Variants in TUSC3 observed in about 807,000 individuals in gnomAD.
TUSC3 encodes tumor suppressor candidate 3.
A neutral mutation model predicts 44.8 loss-of-function variants in TUSC3; 45 were observed. The observed-to-expected ratio is 1.00, with a 90% CI of 0.79 to 1.29. TUSC3 has a LOEUF of 1.29. TUSC3 is among the 50% of genes most tolerant of loss of function. The pLI is 0.00. For synonymous variants in TUSC3, 212 were observed against 152.9 expected (o/e 1.39, Z -2.85); for missense variants, 519 against 437.9 (o/e 1.19, Z -1.65).
At chr8:15,784,540 G>C in the TUSC3 span, among the ~76,000 whole-genome samples, 14 of 151,868 alleles carry the variant, frequency 9.2e-5, no homozygotes, top group African/African-American at 3.4e-4. Context: ...ACATATGTGT[G>C]TGTGTATGCA....
chr8:15,775,108 A>G, the TUSC3 span, among the ~76,000 whole-genome samples: 1 of 152,204 alleles, frequency 6.6e-6, no homozygotes, highest in Non-Finnish European at 1.5e-5. Context: ...TGATATATCC[A>G]TGCATTAGAA....
At chr8:15,473,506 G>T (rs1357620811) in intron 1 of TUSC3, among the ~76,000 whole-genome samples, 3 of 152,140 alleles carry the variant, frequency 2.0e-5, no homozygotes, top group African/African-American at 7.2e-5. Context: ...TAAAGTATTG[G>T]GGGAACCCAC....
chr8:15,676,576 G>T (rs1808200133), intron 6 of TUSC3, among the ~76,000 whole-genome samples: 1 of 152,212 alleles, frequency 6.6e-6, no homozygotes, highest in South Asian at 2.1e-4. Context: ...TATTTCCTGG[G>T]TTGTTCCAGG....
chr8:15,545,262 G>T (rs929372767), intron 1 of TUSC3, among the ~76,000 whole-genome samples: 1 of 151,534 alleles, frequency 6.6e-6, no homozygotes, highest in South Asian at 2.1e-4. Flanking sequence ...CCCAGCATTT[G>T]TACTGGTTCC....
At chr8:15,431,381 T>C (rs1231710759) in intron 1 of TUSC3, among the ~76,000 whole-genome samples, 1 of 151,834 alleles carries the variant, frequency 6.6e-6, no homozygotes, top group Non-Finnish European at 1.5e-5. Context: ...TAGTTTTCAT[T>C]GTACAAGTCT....
At chr8:15,457,754 AATAG>A (rs1296412513) in intron 1 of TUSC3, among the ~76,000 whole-genome samples, 4 of 148,282 alleles carry the variant, frequency 2.7e-5, no homozygotes, top group African/African-American at 4.9e-5. Flanking sequence ...TTTAAAATAA[AATAG>A]ATAAATTAGA....
chr8:15,838,694 C>T, the TUSC3 span, among the ~76,000 whole-genome samples: 1,256 of 152,228 alleles, frequency 8.3e-3, 20 homozygotes, highest in Non-Finnish European at 0.01. Context: ...TCTGAGGGCC[C>T]TGTTCTGTTC....
downstream of TUSC3, among the ~76,000 whole-genome samples, chr8:15,769,277 A>T (rs149020086): frequency 2.7e-3 from 411 of 152,260 alleles, 2 homozygotes; most frequent in African/African-American, 9.7e-3. Flanking sequence ...AAATAATACC[A>T]CACGTCTACA....
intron 6 of TUSC3, among the ~76,000 whole-genome samples, chr8:15,708,164 G>A (rs1383987892): frequency 6.6e-6 from 1 of 152,008 alleles, no homozygotes; most frequent in East Asian, 1.9e-4. Flanking sequence ...TCACTACACT[G>A]GGCAGAGTAG....
At chr8:15,622,886 C>A (rs1244160196) in intron 1 of TUSC3, among the ~76,000 whole-genome samples, 194 bp from the exon 2 acceptor site, 1 of 151,856 alleles carries the variant, frequency 6.6e-6, no homozygotes, top group African/African-American at 2.4e-5. Flanking sequence ...ATATATAAGG[C>A]CAAGAGAAAA....
chr8:15,694,361 G>A (rs1373680064), intron 6 of TUSC3, among the ~76,000 whole-genome samples: 1 of 141,756 alleles, frequency 7.1e-6, no homozygotes, highest in Non-Finnish European at 1.5e-5. Context: ...AAAATCACTT[G>A]AACCTGGGAG....
intron 1 of TUSC3, among the ~76,000 whole-genome samples, chr8:15,620,647 G>T (rs1231005376): frequency 6.6e-6 from 1 of 152,084 alleles, no homozygotes; most frequent in Non-Finnish European, 1.5e-5. Flanking sequence ...GGTTTTTGAA[G>T]GCACTTGTAA....
chr8:15,847,171 G>C, the TUSC3 span, among the ~76,000 whole-genome samples: 2 of 152,312 alleles, frequency 1.3e-5, no homozygotes, highest in African/African-American at 4.8e-5. Context: ...AGCAGGGAGA[G>C]GCAGGGGAAG....
chr8:15,630,913 T>C (rs1313516936), intron 2 of TUSC3, among the ~76,000 whole-genome samples: 1 of 152,174 alleles, frequency 6.6e-6, no homozygotes, highest in African/African-American at 2.4e-5. Context: ...AATTAACAAA[T>C]AAGGTAAACT....
intron 1 of TUSC3, among the ~76,000 whole-genome samples, chr8:15,556,456 G>A (rs1427177344): frequency 6.6e-6 from 1 of 151,456 alleles, no homozygotes; most frequent in Non-Finnish European, 1.5e-5. Context: ...TAATGCCACA[G>A]TAAACATACG....
At chr8:15,794,706 A>G in the TUSC3 span, among the ~76,000 whole-genome samples, 1 of 32,624 alleles carries the variant, frequency 3.1e-5, no homozygotes, top group African/African-American at 1.0e-4. Flanking sequence ...ATTATAGGAG[A>G]GGAAGCCTAA....
chr8:15,692,371 C>CCCCCCTTTTT (rs1563175839), intron 6 of TUSC3, among the ~76,000 whole-genome samples: 1 of 18,820 alleles, frequency 5.3e-5, no homozygotes, highest in Non-Finnish European at 1.0e-4. Flanking sequence ...CCCCCCCCCC[C>CCCCCCTTTTT]TTTGTTTTTT....
chr8:15,569,606 G>C (rs527582411), intron 1 of TUSC3, among the ~76,000 whole-genome samples: 5 of 152,276 alleles, frequency 3.3e-5, no homozygotes, highest in Admixed American at 6.5e-5. Flanking sequence ...GAGAAATAAA[G>C]TGCAATTAAT....
chr8:15,555,360 G>A (rs1802222104), intron 1 of TUSC3, among the ~76,000 whole-genome samples: 1 of 144,562 alleles, frequency 6.9e-6, no homozygotes, highest in Admixed American at 7.1e-5. Flanking sequence ...AGTGCTGGGG[G>A]ATCACAGTTC....
Sources: allele counts gnomAD v4.1 joint callset (sites outside exome capture counted in the v4.1 genomes callset), GRCh38; gene constraint gnomAD v4.1.1; transcripts MANE v1.5; gene names NCBI Gene and HGNC (gene_info 2026-07-23, HGNC 2026-07-21).